Variants in ADAP1 observed in about 807,000 individuals in gnomAD.
The protein encoded by ADAP1 is ArfGAP with dual PH domains 1.
In ADAP1, 31 loss-of-function variants were observed where a neutral mutation model predicts 54.9. The ratio of observed to expected loss-of-function variants is 0.56; its 90% CI spans 0.42 to 0.76. ADAP1 has a LOEUF of 0.76. ADAP1 is among the 30% of genes least tolerant of loss of function. The pLI, the probability that ADAP1 is intolerant of heterozygous loss-of-function variation, is 0.00. For missense variants in ADAP1, 535 were observed against 512.4 expected (o/e 1.04, Z -0.42); for synonymous variants, 313 against 202.6 (o/e 1.55, Z -4.63).
chr7:900,703 C>CTGGGGTCCCCACAGAGGGGT, intron 6 of ADAP1, 87 bp from the exon 7 acceptor site: 1 of 1,175,262 alleles, frequency 8.5e-7, no homozygotes. Flanking sequence ...CACAGAGGGG[C>CTGGGGTCCCCACAGAGGGGT]CGCTTCCCCC....
At chr7:935,872 G>GC (rs1261045827) in intron 1 of ADAP1, among the ~76,000 whole-genome samples, 1 of 152,182 alleles carries the variant, frequency 6.6e-6, no homozygotes, top group Admixed American at 6.5e-5. Flanking sequence ...CCTCGTGTCC[G>GC]CTGCCCTGGG....
Position 920,002 on chromosome 7 carries a change from G to A in ADAP1, c.354C>T (p.Phe118=), listed in dbSNP as rs370576395. 6.2e-7 allele frequency: 1 copy of A among 1,607,896 alleles called. No homozygotes were observed. Among genetic ancestry groups the A allele is most frequent in the Admixed American group, 1.7e-5 (1 of 59,928 alleles). The change falls in exon 4 of 11, where the codon TTC becomes TTT. Residue 118 remains phenylalanine (F), a synonymous_variant. Coordinates refer to ENST00000265846, the MANE Select transcript of ADAP1 (RefSeq NM_006869.4). The surrounding 1 kb of genome is among the most constrained non-coding windows in gnomAD (Gnocchi z 4.5). Reference sequence around the variant, plus strand: ...AGGGCTCCTGCTTCTCCGGGTAGATGAACTCCTGTCGCTCGTACTTGGCCC... The same window carrying A: ...AGGGCTCCTGCTTCTCCGGGTAGATAAACTCCTGTCGCTCGTACTTGGCCC... ...WIRAKYERQE[F]IYPEKQEPYS...
At chr7:953,177 G>A (rs913379268) in intron 1 of ADAP1, among the ~76,000 whole-genome samples, 5 of 152,192 alleles carry the variant, frequency 3.3e-5, no homozygotes, top group African/African-American at 1.2e-4. Flanking sequence ...GGGTGAGCCA[G>A]CCCAGGGGGC....
chr7:910,743 C>T (rs368586802), intron 4 of ADAP1, among the ~76,000 whole-genome samples: 126 of 152,316 alleles, frequency 8.3e-4, no homozygotes, highest in African/African-American at 2.7e-3. Context: ...ACTGCATCCC[C>T]ATATCTCATG....
chr7:899,409 T>C lies in ADAP1; in HGVS notation c.867+10A>G. 1 of 1,612,796 alleles carries C rather than the reference T, an allele frequency of 6.2e-7. No individual in the cohort carries two copies. The highest frequency in any genetic ancestry group is 1.1e-5 in the South Asian group (1 of 91,070). On this transcript the variant is annotated intron_variant, in intron 9 of 10. Transcript: ENST00000265846. ...TGCCCTCCCGTGCTGGGGCCACAGC[T>C]CCTCCTTACCAGGGGGTCTTTGAAG...
chr7:937,921 G>C (rs944695866), intron 1 of ADAP1, among the ~76,000 whole-genome samples: 3 of 152,200 alleles, frequency 2.0e-5, no homozygotes, highest in African/African-American at 7.2e-5. Context: ...CTGGCACAGA[G>C]CTCAGTCCGG....
At chr7:949,059 G>A (rs1204389260) in intron 1 of ADAP1, among the ~76,000 whole-genome samples, 8 of 152,258 alleles carry the variant, frequency 5.3e-5, no homozygotes, top group African/African-American at 1.9e-4. Flanking sequence ...CCATCTGTCT[G>A]TCTTTGTCTC....
intron 4 of ADAP1, chr7:905,622 GGAAAGGAGAAAGGGAAAGGA>G (rs1845184450): frequency 2.7e-5 from 1 of 37,588 alleles, no homozygotes; most frequent in Admixed American, 5.4e-4. Context: ...AAGGAGAAAG[GGAAAGGAGAAAGGGAAAGGA>G]GAAAGGGAAA....
chr7:905,095 G>T lies in ADAP1; in HGVS notation c.466C>A (p.Arg156=), dbSNP rs767256144. Residue 156 remains arginine, a synonymous_variant, in exon 5 of 11, where the codon CGA becomes AGA. Transcript: ENST00000265846. ...FLSRKFVLTE[R]EGALKYFNRN... is the part of the protein sequence containing the mutation. ...TTGAAATACTTCAGAGCACCCTCTC[G>T]TTCTGTCAGCACAAACTTCCGGCTC... The T allele has an allele frequency of 1.9e-6, 3 of 1,612,292 alleles. No homozygotes were observed. Among genetic ancestry groups the T allele is most frequent in the African/African-American group, 1.3e-5 (1 of 75,062 alleles).
chr7:905,810 AGGAGAAGGGAGAAG>A (rs1174055534), intron 4 of ADAP1, among the ~76,000 whole-genome samples: 15 of 29,750 alleles, frequency 5.0e-4, no homozygotes, highest in South Asian at 1.2e-3. Flanking sequence ...GAAAGGAGAA[AGGAGAAGGGAGAAG>A]GGAGAAGGGA....
chr7:917,848 G>A (rs1238363554), intron 4 of ADAP1, among the ~76,000 whole-genome samples: 2 of 152,016 alleles, frequency 1.3e-5, no homozygotes, highest in Non-Finnish European at 2.9e-5. Context: ...TTGGCTCACT[G>A]CAGCCTCCGC....
Position 905,111 on chromosome 7 carries a change from C to A in ADAP1, c.450G>T (p.Lys150Asn), listed in dbSNP as rs749871837. ...GRDNGQFLSR[K>N]FVLTEREGAL... ...CACCCTCTCGTTCTGTCAGCACAAA[C>A]TTCCGGCTCAAAAACTGCCCGTTGT... Residue 150 changes from lysine to asparagine, a missense_variant, in exon 5 of 11, where the codon AAG (lysine) becomes AAT (asparagine). Transcript: ENST00000265846. 7 of 1,612,422 alleles carry A rather than the reference C, an allele frequency of 4.3e-6. No individual in the cohort carries two copies. Among genetic ancestry groups the A allele is most frequent in the Non-Finnish European group, 5.1e-6 (6 of 1,179,926 alleles).
intron 4 of ADAP1, among the ~76,000 whole-genome samples, chr7:910,222 G>A (rs1024056751): frequency 6.6e-6 from 1 of 151,992 alleles, no homozygotes; most frequent in African/African-American, 2.4e-5. Context: ...AGTGAAATCC[G>A]AGGAAACAGG....
intron 1 of ADAP1, 119 bp from the exon 2 acceptor site, chr7:935,624 C>A: frequency 1.5e-6 from 2 of 1,307,702 alleles, no homozygotes; most frequent in South Asian, 2.9e-5. Flanking sequence ...AGCGGAGACC[C>A]CCGGGTACAC....
chr7:906,868 C>A (rs955921205), intron 4 of ADAP1, among the ~76,000 whole-genome samples: 2 of 123,000 alleles, frequency 1.6e-5, no homozygotes, highest in African/African-American at 6.0e-5. Flanking sequence ...AGTGGACCAG[C>A]GCTGTTGGCT....
chr7:954,629 C>G lies in ADAP1; in HGVS notation c.-152G>C, dbSNP rs887918398. 4.1e-6 allele frequency: 4 copies of G among 982,604 alleles called. No individual in the cohort carries two copies. The highest frequency in any genetic ancestry group is 4.8e-6 in the Non-Finnish European group (4 of 828,964). 60.9% of individuals were successfully genotyped at this position (982,604 alleles called of 1,614,324 possible). A position where few individuals can be genotyped will look rare whatever the true frequency, so the allele number is the denominator to read the frequency against. On this transcript the variant is annotated 5_prime_UTR_variant, in exon 1 of 11. Transcript: ENST00000265846. Reference sequence around the variant, plus strand: ...GCGCCGGTTCCGCATTCCCGCCGCCCTCTGGGCTCCGCCGCCGCCGCTCGT... The same window carrying G: ...GCGCCGGTTCCGCATTCCCGCCGCCGTCTGGGCTCCGCCGCCGCCGCTCGT...
upstream of ADAP1, chr7:955,184 C>T (rs1847356497): frequency 2.1e-6 from 2 of 973,430 alleles, no homozygotes; most frequent in South Asian, 1.5e-5. Context: ...CGCCCACCAC[C>T]CACAGATGGG....
intron 2 of ADAP1, chr7:927,156 T>C (rs1319322685): frequency 7.7e-7 from 1 of 1,303,102 alleles, no homozygotes; most frequent in East Asian, 5.6e-5. Flanking sequence ...GAGGGGACTC[T>C]GCAGGGACAC....
intron 6 of ADAP1, 31 bp downstream of exon 6, chr7:904,095 C>T: frequency 6.2e-7 from 1 of 1,609,764 alleles, no homozygotes; most frequent in Non-Finnish European, 8.5e-7. Flanking sequence ...CCTCCTGTGC[C>T]ACCCGGGCCC....
Sources: gnomAD v4.1 joint callset for allele counts (sites outside exome capture counted in the v4.1 genomes callset) on GRCh38, gnomAD v4.1.1 for gene constraint, Gnocchi (gnomAD v3.1) non-coding constraint, MANE v1.5 for transcripts, NCBI Gene and HGNC (gene_info 2026-07-23, HGNC 2026-07-21) for gene names.